Variants in FREM1 observed in about 807,000 individuals in gnomAD.
The protein encoded by FREM1 is FRAS1-related extracellular matrix protein 1.
In FREM1, 220 loss-of-function variants were observed where a neutral mutation model predicts 210.1. The ratio of observed to expected loss-of-function variants is 1.05; its 90% confidence interval spans 0.94 to 1.17. The LOEUF (loss-of-function observed/expected upper bound fraction) is 1.17, where lower values mean the gene tolerates loss of function less well. FREM1 is among the 50% of genes most tolerant of loss of function. The pLI is 0.00. For synonymous variants in FREM1, 1,189 were observed against 980.2 expected, an observed-to-expected ratio of 1.21 and a Z score of -3.98; for missense variants, 3,454 against 2,675.5, an observed-to-expected ratio of 1.29 and a Z score of -6.42.
In FREM1 at chr9:14,808,149, T is replaced by A. The variant is rs2133448071; in HGVS notation, c.2894-15A>T. 2.6e-6 allele frequency: 4 copies of A among 1,535,596 alleles called. No homozygotes were observed. The South Asian group carries it at 5.3e-5, about 20-fold the overall frequency. On this transcript the variant is annotated splice_polypyrimidine_tract_variant and intron_variant, in intron 16 of 36. Coordinates refer to ENST00000380880, the MANE Select transcript of FREM1 (RefSeq NM_001379081.2). ...AATCTCGCCACCTGGAAGACACAAC[T>A]ATAGCTGAAACCTGCCTTTTAAAAA...
At chr9:14,816,987 GCAA>G (rs1049192411) in intron 14 of FREM1, 116 bp from the exon 15 acceptor site, 27 of 402,692 alleles carry the variant, frequency 6.7e-5, no homozygotes, top group Middle Eastern at 3.3e-4. Flanking sequence ...TAAATAAATA[GCAA>G]CAACAACAAC....
intron 15 of FREM1, among the ~76,000 whole-genome samples, chr9:14,816,263 A>G (rs559337007): frequency 2.0e-5 from 3 of 152,318 alleles, no homozygotes; most frequent in South Asian, 4.1e-4. Context: ...AGACAATAGC[A>G]TAGTACTACT....
chr9:14,776,770 A>G (rs1848661195), intron 24 of FREM1, among the ~76,000 whole-genome samples: 1 of 152,140 alleles, frequency 6.6e-6, no homozygotes, highest in African/African-American at 2.4e-5. Flanking sequence ...CACTTAAATC[A>G]TCTTCCCCTT....
intron 2 of FREM1, among the ~76,000 whole-genome samples, 196 bp from the exon 3 acceptor site, chr9:14,864,099 C>T (rs1831087881): frequency 6.6e-6 from 1 of 152,184 alleles, no homozygotes; most frequent in African/African-American, 2.4e-5. Context: ...ACAGCTGTCT[C>T]TTGTTTTGAG....
rs556510565 is a variant in FREM1, at chr9:14,839,365, C to T, written c.1881+2082G>A. Among the ~76,000 whole-genome samples, 9 of 152,264 alleles carry T rather than the reference C, an allele frequency of 5.9e-5. No homozygotes were observed. In the South Asian group the frequency reaches 6.2e-4, roughly 11 times the overall value. ...ATGTATTTTGGTCATAAGTTTAAAACGCTGATGATACATACATGTAAAGAT... is the reference window on the plus strand; with the variant it reads ...ATGTATTTTGGTCATAAGTTTAAAATGCTGATGATACATACATGTAAAGAT... On this transcript the variant is annotated intron_variant, in intron 10 of 36. Coordinates refer to ENST00000380880, the MANE Select transcript of FREM1 (RefSeq NM_001379081.2).
intron 5 of FREM1, among the ~76,000 whole-genome samples, chr9:14,855,463 G>A (rs2131474653): frequency 6.6e-6 from 1 of 152,176 alleles, no homozygotes; most frequent in Non-Finnish European, 1.5e-5. Flanking sequence ...GGATCATTTG[G>A]TCACTTGATG....
intron 24 of FREM1, among the ~76,000 whole-genome samples, chr9:14,780,481 T>C (rs1231327719): frequency 6.8e-6 from 1 of 146,476 alleles, no homozygotes; most frequent in Non-Finnish European, 1.5e-5. Context: ...TGGAGGACAT[T>C]AGCATGTTCT....
At chr9:14,801,905 A>G (rs747717943) in intron 19 of FREM1, 31 bp from the exon 20 acceptor site, 2 of 1,497,182 alleles carry the variant, frequency 1.3e-6, no homozygotes, top group African/African-American at 1.4e-5. Context: ...AAAGTCAACA[A>G]TGCATAAAAG....
At chr9:14,787,551 G>T (rs1332682608) in intron 23 of FREM1, among the ~76,000 whole-genome samples, 1 of 152,072 alleles carries the variant, frequency 6.6e-6, no homozygotes, top group African/African-American at 2.4e-5. Context: ...ACTGGAATGT[G>T]TACAAGAGAG....
At chr9:14,865,404 G>A (rs1177951936) in intron 2 of FREM1, among the ~76,000 whole-genome samples, 1 of 152,176 alleles carries the variant, frequency 6.6e-6, no homozygotes, top group East Asian at 1.9e-4. Flanking sequence ...TGAACAGAAG[G>A]CACTGGTGTG....
At chr9:14,797,349 G>A in intron 21 of FREM1, 149 bp downstream of exon 21, 3 of 514,422 alleles carry the variant, frequency 5.8e-6, no homozygotes, top group Non-Finnish European at 1.0e-5. Flanking sequence ...TGCACTAAAG[G>A]TTCCTCATGC....
intron 24 of FREM1, among the ~76,000 whole-genome samples, chr9:14,781,984 C>T (rs898427670): frequency 3.3e-5 from 5 of 152,340 alleles, no homozygotes; most frequent in South Asian, 2.1e-4. Context: ...GGATTACAGG[C>T]GTGAGCCACT....
At chr9:14,784,054 G>A (rs1850029152) in intron 24 of FREM1, among the ~76,000 whole-genome samples, 1 of 152,120 alleles carries the variant, frequency 6.6e-6, no homozygotes, top group Admixed American at 6.5e-5. Context: ...TGTTTACTGT[G>A]TATATTTTTC....
chr9:14,794,809 C>A (rs966246544), intron 21 of FREM1, among the ~76,000 whole-genome samples: 6 of 151,748 alleles, frequency 4.0e-5, no homozygotes, highest in Admixed American at 1.3e-4. Flanking sequence ...ACCATACTGG[C>A]CAACATGGTG....
intron 5 of FREM1, among the ~76,000 whole-genome samples, chr9:14,854,933 A>G (rs1156684961): frequency 6.6e-6 from 1 of 152,122 alleles, no homozygotes; most frequent in Non-Finnish European, 1.5e-5. Context: ...AAAGTGAGAT[A>G]CTTCATTTCT....
chr9:14,819,680 A>G (rs1374884127), intron 13 of FREM1, among the ~76,000 whole-genome samples: 1 of 152,254 alleles, frequency 6.6e-6, no homozygotes, highest in Non-Finnish European at 1.5e-5. Flanking sequence ...TAAGATTGAA[A>G]GTATCTACTT....
chr9:14,737,530 T>G lies in FREM1; in HGVS notation c.6406A>C (p.Asn2136His), dbSNP rs768963183. 6.2e-7 allele frequency: 1 copy of G among 1,611,344 alleles called. No individual in the cohort carries two copies. The highest frequency in any genetic ancestry group is 8.5e-7 in the Non-Finnish European group (1 of 1,178,570). ...CGTTGAGAGGGCCCTCTTCTCCCAT[T>G]GGTGAAGGCAACAGGTTCACCACCG... ...WIGGEPVAFTNGRRGPSQRSK... is the reference protein window; with the variant it reads ...WIGGEPVAFTHGRRGPSQRSK... The change falls in exon 37 of 37, where the codon AAT becomes CAT. Residue 2136 changes from asparagine (N) to histidine (H), a missense_variant. Asn to His is a moderately conservative substitution (Grantham distance 68). Transcript: ENST00000380880.
Position 14,807,973 on chromosome 9 carries a change from G to T in FREM1, c.3055C>A (p.Pro1019Thr), listed in dbSNP as rs747104569. 1 of 1,613,554 alleles carries T rather than the reference G, an allele frequency of 6.2e-7. No individual in the cohort carries two copies. The highest frequency in any genetic ancestry group is 8.5e-7 in the Non-Finnish European group (1 of 1,179,700). The change falls in exon 17 of 37, where the codon CCA becomes ACA. Residue 1019 changes from proline to threonine, a missense_variant. Coordinates refer to ENST00000380880, the MANE Select transcript of FREM1 (RefSeq NM_001379081.2). ...PVYDLNITVYPVDNQPPSIAI... is the reference protein window; with the variant it reads ...PVYDLNITVYTVDNQPPSIAI... ...ATGGAAGGTGGCTGGTTGTCTACTG[G>T]GTATACCGTGATGTTGAGATCATAC...
intron 10 of FREM1, among the ~76,000 whole-genome samples, chr9:14,837,408 C>T (rs963486493): frequency 2.6e-5 from 4 of 151,844 alleles, no homozygotes; most frequent in Non-Finnish European, 2.9e-5. Flanking sequence ...CTTCTTGCCC[C>T]GTCTTGTATA....
Sources: gnomAD v4.1 joint callset for allele counts (sites outside exome capture counted in the v4.1 genomes callset) on GRCh38, gnomAD v4.1.1 for gene constraint, MANE v1.5 for transcripts, NCBI Gene and HGNC (gene_info 2026-07-23, HGNC 2026-07-21) for gene names.